Variants in TBCEL observed in about 807,000 individuals in gnomAD.
TBCEL encodes the protein tubulin folding cofactor E like.
A neutral mutation model predicts 44.2 loss-of-function variants in TBCEL; 15 were observed. The observed-to-expected ratio is 0.34, with a 90% confidence interval of 0.23 to 0.52. The LOEUF is 0.52. Among genes scored for constraint, TBCEL ranks in the 20% least tolerant of loss-of-function variants. TBCEL has a pLI of 0.95. For missense variants in TBCEL, 319 were observed against 506.3 expected, an observed-to-expected ratio of 0.63 and a Z score of 3.55; for synonymous variants, 171 against 185.4, an observed-to-expected ratio of 0.92 and a Z score of 0.63.
chr11:121,078,229 A>G (rs912355594), intron 8 of TBCEL, among the ~76,000 whole-genome samples: 1 of 152,212 alleles, frequency 6.6e-6, no homozygotes, highest in African/African-American at 2.4e-5. Context: ...TTTCTCCAAC[A>G]ATAATTGTGA....
chr11:121,082,994 C>T (rs1946153413), intron 8 of TBCEL, among the ~76,000 whole-genome samples: 1 of 152,150 alleles, frequency 6.6e-6, no homozygotes, highest in Non-Finnish European at 1.5e-5. Context: ...ACTGTTTCCA[C>T]ACTCTATCTA....
chr11:121,084,334 T>G (rs956154010), intron 8 of TBCEL, among the ~76,000 whole-genome samples: 25 of 152,196 alleles, frequency 1.6e-4, no homozygotes, highest in African/African-American at 5.8e-4. Flanking sequence ...TTCATCTCAT[T>G]CTGCAGTTTA....
intron 8 of TBCEL, among the ~76,000 whole-genome samples, chr11:121,086,013 C>T (rs568140764): frequency 2.9e-4 from 44 of 152,054 alleles, no homozygotes; most frequent in Non-Finnish European, 5.3e-4. Flanking sequence ...CTTTCTGGTA[C>T]GTAGGAAACT....
Position 121,055,268 on chromosome 11 carries a change from G to A in TBCEL, c.672G>A (p.Arg224=). Residue 224 remains arginine, a synonymous_variant, in exon 6 of 9, where the codon AGG becomes AGA. Transcript: ENST00000683345. ...AIEEPDDSLA[R]LFPNLRSISL... ...AGGAGCCTGATGATTCATTGGCCAG[G>A]TTGTTTCCTAATCTTCGATCCATCA... 1 of 1,611,346 alleles carries A rather than the reference G, an allele frequency of 6.2e-7. No homozygotes were observed. The highest frequency in any genetic ancestry group is 8.5e-7 in the Non-Finnish European group (1 of 1,178,554).
At chr11:121,064,061 G>A (rs1368134589) in intron 8 of TBCEL, among the ~76,000 whole-genome samples, 1 of 152,120 alleles carries the variant, frequency 6.6e-6, no homozygotes, top group Non-Finnish European at 1.5e-5. Context: ...GTAATTTGTA[G>A]AACTTAAATT....
At chr11:121,052,786 G>A (rs10502245) in intron 4 of TBCEL, among the ~76,000 whole-genome samples, 32,497 of 151,700 alleles carry the variant, frequency 0.21, 3,554 homozygotes, top group East Asian at 0.33. Flanking sequence ...TTATTAGTCA[G>A]ATTCCTCATT....
chr11:121,028,121 C>T (rs952247959), intron 1 of TBCEL, among the ~76,000 whole-genome samples: 2 of 151,814 alleles, frequency 1.3e-5, no homozygotes, highest in African/African-American at 4.8e-5. Flanking sequence ...CAGAGGATCA[C>T]GAGCCTCAGA....
At chr11:121,038,869 T>C (rs1001732864) in intron 2 of TBCEL, among the ~76,000 whole-genome samples, 5 of 152,222 alleles carry the variant, frequency 3.3e-5, no homozygotes, top group South Asian at 4.1e-4. Context: ...TCTCGGCTTA[T>C]TTACTTAACT....
intron 4 of TBCEL, among the ~76,000 whole-genome samples, chr11:121,049,579 T>G (rs1360793477): frequency 6.6e-6 from 1 of 151,880 alleles, no homozygotes; most frequent in East Asian, 1.9e-4. Context: ...TTTACTTATC[T>G]GAACAACTTG....
chr11:121,082,146 T>C (rs575705161), intron 8 of TBCEL, among the ~76,000 whole-genome samples: 1 of 152,348 alleles, frequency 6.6e-6, no homozygotes, highest in South Asian at 2.1e-4. Flanking sequence ...ACTTAATGGC[T>C]TAAAGCAATG....
At chr11:121,042,309 G>GT (rs1450841440) in intron 2 of TBCEL, among the ~76,000 whole-genome samples, 1 of 152,016 alleles carries the variant, frequency 6.6e-6, no homozygotes, top group African/African-American at 2.4e-5. Context: ...CTTGAGACAG[G>GT]TTTTTTTGGT....
At chr11:121,079,928 C>T (rs1480334902) in intron 8 of TBCEL, among the ~76,000 whole-genome samples, 1 of 152,130 alleles carries the variant, frequency 6.6e-6, no homozygotes, top group Non-Finnish European at 1.5e-5. Context: ...AATTCTCCTG[C>T]CTTAGCTTCC....
intron 2 of TBCEL, among the ~76,000 whole-genome samples, chr11:121,041,751 C>T (rs370924108): frequency 6.6e-6 from 1 of 151,862 alleles, no homozygotes; most frequent in African/African-American, 2.4e-5. Flanking sequence ...ACTGCCCCAA[C>T]AGATTTTGAG....
At chr11:121,048,125 G>C (rs894150849) in intron 4 of TBCEL, among the ~76,000 whole-genome samples, 7 of 151,792 alleles carry the variant, frequency 4.6e-5, no homozygotes, top group African/African-American at 1.7e-4. Context: ...ACTGCTAACA[G>C]TGCATTAAAT....
chr11:121,028,911 C>G (rs1390300351), intron 1 of TBCEL, among the ~76,000 whole-genome samples: 1 of 152,204 alleles, frequency 6.6e-6, no homozygotes, highest in Non-Finnish European at 1.5e-5. Context: ...TCCCCTTCAT[C>G]TCCCCACTGA....
At chr11:121,074,455 T>G (rs985121395) in intron 8 of TBCEL, among the ~76,000 whole-genome samples, 1 of 152,074 alleles carries the variant, frequency 6.6e-6, no homozygotes, top group Non-Finnish European at 1.5e-5. Context: ...TTGAGGGTCT[T>G]TGTGATTTTA....
At chr11:121,025,597 AT>A (rs1199886741) in intron 1 of TBCEL, among the ~76,000 whole-genome samples, 2 of 152,246 alleles carry the variant, frequency 1.3e-5, no homozygotes, top group African/African-American at 4.8e-5. Context: ...TAAATTGATG[AT>A]TTGTGGGTCA....
rs1372427951 is a variant in TBCEL, at chr11:121,055,137, A to G, written c.541A>G (p.Ile181Val). The change falls in exon 6 of 9, where the codon ATA becomes GTA. Residue 181 changes from isoleucine to valine, a missense_variant. By Grantham distance (29) the Ile-to-Val change is conservative (BLOSUM62 3). Coordinates refer to ENST00000683345, the MANE Select transcript of TBCEL (RefSeq NM_001363644.2). ...CTGTCATTCTCTTAAGCTACTACAT[A>G]TAACAGACAATAACCTCCAAGACTG... ...ICCHSLKLLH[I>V]TDNNLQDWTE... 1.2e-6 allele frequency: 2 copies of G among 1,611,646 alleles called. No individual in the cohort carries two copies. Among genetic ancestry groups the G allele is most frequent in the Non-Finnish European group, 1.7e-6 (2 of 1,178,758 alleles).
At chr11:121,033,632 C>A (rs1565491068) in intron 1 of TBCEL, among the ~76,000 whole-genome samples, 1 of 152,026 alleles carries the variant, frequency 6.6e-6, no homozygotes, top group Non-Finnish European at 1.5e-5. Flanking sequence ...CTGTATTTTT[C>A]AAAAATGTTT....
Sources: allele counts gnomAD v4.1 joint callset (sites outside exome capture counted in the v4.1 genomes callset), GRCh38; gene constraint gnomAD v4.1.1; transcripts MANE v1.5; gene names NCBI Gene and HGNC (gene_info 2026-07-23, HGNC 2026-07-21).